The following CARNMT1 variants were observed in gnomAD, a reference collection of about 807,000 sequenced individuals.
The protein encoded by CARNMT1 is protein-L-histidine N-pros-methyltransferase CARNMT1.
A neutral mutation model predicts 49.6 loss-of-function variants in CARNMT1; 28 were observed. That is an observed-to-expected ratio of 0.56 (90% CI 0.42 to 0.77). The LOEUF is 0.77. Among genes scored for constraint, CARNMT1 ranks in the 30% least tolerant of loss-of-function variants. CARNMT1 has a pLI of 0.00. For missense variants in CARNMT1, 421 were observed against 512.6 expected (o/e 0.82, Z 1.73); for synonymous variants, 178 against 175.0 (o/e 1.02, Z -0.13).
At chr9:74,997,152 T>C (rs187005899) in intron 5 of CARNMT1, among the ~76,000 whole-genome samples, 7 of 152,310 alleles carry the variant, frequency 4.6e-5, no homozygotes, top group Admixed American at 3.9e-4. Context: ...ATAAAGGCAC[T>C]TGATCCCATG....
chr9:75,005,722 C>G (rs1162067141), intron 3 of CARNMT1, among the ~76,000 whole-genome samples: 5 of 151,884 alleles, frequency 3.3e-5, no homozygotes, highest in African/African-American at 1.2e-4. Flanking sequence ...ATCCACCCAC[C>G]TCCGCCTCCC....
chr9:75,004,076 T>C (rs1247266617), intron 3 of CARNMT1, among the ~76,000 whole-genome samples: 1 of 152,218 alleles, frequency 6.6e-6, no homozygotes, highest in East Asian at 1.9e-4. Flanking sequence ...GGTTTCACCA[T>C]GTTAGCAAGG....
intron 7 of CARNMT1, among the ~76,000 whole-genome samples, chr9:74,984,443 T>C (rs990058559): frequency 4.2e-4 from 64 of 152,128 alleles, no homozygotes; most frequent in African/African-American, 1.5e-3. Context: ...CCCAAATCCT[T>C]ATAATTCTGA....
In CARNMT1 at chr9:74,983,177, T is replaced by C. The variant is rs1334229044; in HGVS notation, c.*590A>G. 6.6e-6 allele frequency: 1 copy of C among 151,826 alleles called. No homozygotes were observed. The highest frequency in any genetic ancestry group is 1.5e-5 in the Non-Finnish European group (1 of 68,022). The allele number at this position is 151,826 out of a possible 1,614,324, so 9.4% of individuals were successfully genotyped here. A position where few individuals can be genotyped will look rare whatever the true frequency, so the allele number is the denominator to read the frequency against. Reference sequence around the variant, plus strand: ...CAGGAAGATCGCTTGAGTCCAGGAGTTTGAGGTTACAGTGAGCTATGATCG... The same window carrying C: ...CAGGAAGATCGCTTGAGTCCAGGAGCTTGAGGTTACAGTGAGCTATGATCG... On this transcript the variant is annotated 3_prime_UTR_variant, in exon 8 of 8. Transcript: ENST00000376834.
intron 3 of CARNMT1, among the ~76,000 whole-genome samples, chr9:75,011,510 T>C (rs778263672): frequency 1.5e-4 from 23 of 152,188 alleles, no homozygotes; most frequent in Non-Finnish European, 2.6e-4. Flanking sequence ...GCCAGGACTA[T>C]ACAAGTGCAT....
At chr9:75,020,951 A>C (rs1009351847) in intron 1 of CARNMT1, among the ~76,000 whole-genome samples, 11 of 152,062 alleles carry the variant, frequency 7.2e-5, no homozygotes, top group Admixed American at 4.6e-4. Flanking sequence ...CCTTTGTCCA[A>C]CTCTCTCATA....
chr9:75,028,387 CCATCCGCG>C, upstream of CARNMT1: 6 of 1,297,014 alleles, frequency 4.6e-6, no homozygotes, highest in Non-Finnish European at 5.8e-6. Flanking sequence ...CCTCAGGCCT[CCATCCGCG>C]CTGGGCTCCG....
At chr9:74,988,120 T>C (rs1430744229) in intron 6 of CARNMT1, among the ~76,000 whole-genome samples, 3 of 152,114 alleles carry the variant, frequency 2.0e-5, no homozygotes, top group Admixed American at 6.6e-5. Context: ...TCTTGTTATA[T>C]TACCCAAGCT....
At chr9:74,985,526 T>A (rs1832809465) in intron 6 of CARNMT1, among the ~76,000 whole-genome samples, 1 of 152,072 alleles carries the variant, frequency 6.6e-6, no homozygotes, top group Non-Finnish European at 1.5e-5. Context: ...AGCTCTAACA[T>A]CTAATAATTG....
At chr9:75,019,781 T>C (rs373757848) in intron 1 of CARNMT1, among the ~76,000 whole-genome samples, 1 of 152,210 alleles carries the variant, frequency 6.6e-6, no homozygotes, top group African/African-American at 2.4e-5. Context: ...CTAAAATGTA[T>C]AAAACCAAGC....
At chr9:74,994,370 G>A (rs1833124748) in intron 6 of CARNMT1, among the ~76,000 whole-genome samples, 1 of 152,180 alleles carries the variant, frequency 6.6e-6, no homozygotes, top group South Asian at 2.1e-4. Context: ...TTTTCTTCAG[G>A]GTAACCTGAG....
At chr9:75,022,416 G>T (rs1822398178) in intron 1 of CARNMT1, among the ~76,000 whole-genome samples, 1 of 151,808 alleles carries the variant, frequency 6.6e-6, no homozygotes, top group African/African-American at 2.4e-5. Context: ...TAGAGATGGG[G>T]TTTCACCATG....
chr9:75,019,116 A>T (rs184637305), intron 1 of CARNMT1, among the ~76,000 whole-genome samples: 47 of 152,334 alleles, frequency 3.1e-4, no homozygotes, highest in African/African-American at 1.0e-3. Flanking sequence ...TACAGCTCAT[A>T]CAATAATATG....
intron 6 of CARNMT1, among the ~76,000 whole-genome samples, chr9:74,994,759 G>A (rs1372757314): frequency 1.3e-5 from 2 of 152,116 alleles, no homozygotes; most frequent in Non-Finnish European, 2.9e-5. Context: ...TGCAAAAGAT[G>A]TGTAAGTTAA....
chr9:75,026,690 G>C (rs961723132), intron 1 of CARNMT1, among the ~76,000 whole-genome samples: 1 of 152,170 alleles, frequency 6.6e-6, no homozygotes, highest in African/African-American at 2.4e-5. Context: ...ATTTCATCAA[G>C]ATCTTCGAAG....
intron 5 of CARNMT1, among the ~76,000 whole-genome samples, 187 bp downstream of exon 5, chr9:74,998,411 A>C (rs1833258607): frequency 6.6e-6 from 1 of 152,162 alleles, no homozygotes; most frequent in African/African-American, 2.4e-5. Context: ...TTGACTGTAG[A>C]TATCTTACAC....
chr9:75,016,321 G>A lies in CARNMT1; in HGVS notation c.537C>T (p.Ala179=). The change falls in exon 3 of 8, where the codon GCC becomes GCT. Residue 179 remains alanine, a synonymous_variant. Coordinates refer to ENST00000376834, the MANE Select transcript of CARNMT1 (RefSeq NM_152420.3). ...WSETGKAERD[A]CYQPIIKEIL... is the part of the protein sequence containing the mutation. ...TTTCTTTAATGATTGGCTGGTAACA[G>A]GCATCCCTTTCTGCTTTCCCAGTTT... 6.2e-7 allele frequency: 1 copy of A among 1,613,928 alleles called. No homozygotes were observed. Among genetic ancestry groups the A allele is most frequent in the South Asian group, 1.1e-5 (1 of 91,054 alleles).
At chr9:75,020,049 C>A (rs184206552) in intron 1 of CARNMT1, among the ~76,000 whole-genome samples, 2 of 152,154 alleles carry the variant, frequency 1.3e-5, no homozygotes, top group Admixed American at 1.3e-4. Context: ...GGAAAAACTA[C>A]ACAGAAAGCA....
intron 6 of CARNMT1, among the ~76,000 whole-genome samples, chr9:74,994,253 A>G (rs1019388634): frequency 1.3e-5 from 2 of 152,252 alleles, no homozygotes; most frequent in African/African-American, 4.8e-5. Context: ...AATTCCAGTC[A>G]TCAGAACTGT....
Sources: gnomAD v4.1 joint callset for allele counts (sites outside exome capture counted in the v4.1 genomes callset) on GRCh38, gnomAD v4.1.1 for gene constraint, MANE v1.5 for transcripts, NCBI Gene and HGNC (gene_info 2026-07-23, HGNC 2026-07-21) for gene names.